The following CHD6 variants were observed in gnomAD, a reference collection of about 807,000 sequenced individuals.
CHD6 encodes chromodomain helicase DNA binding protein 6.
A neutral mutation model predicts 276.9 loss-of-function variants in CHD6; 50 were observed. The ratio of observed to expected loss-of-function variants is 0.18; its 90% CI spans 0.14 to 0.23. The LOEUF is 0.23. CHD6 is among the 10% of genes least tolerant of loss of function. The pLI is 1.00. For synonymous variants in CHD6, 1,173 were observed against 1,229.3 expected, an observed-to-expected ratio of 0.95 and a Z score of 0.96; for missense variants, 2,564 against 3,365.8, an observed-to-expected ratio of 0.76 and a Z score of 5.89.
intron 1 of CHD6, among the ~76,000 whole-genome samples, chr20:41,607,118 G>C (rs2045837888): frequency 6.6e-6 from 1 of 152,082 alleles, no homozygotes; most frequent in African/African-American, 2.4e-5. Flanking sequence ...ACTCCAGCCA[G>C]AATGAACTTA....
chr20:41,554,975 C>G (rs2045201388), intron 1 of CHD6, among the ~76,000 whole-genome samples: 1 of 151,098 alleles, frequency 6.6e-6, no homozygotes, highest in Non-Finnish European at 1.5e-5. Context: ...AGGCGCCCCT[C>G]ACCTCCCGGA....
intron 1 of CHD6, among the ~76,000 whole-genome samples, chr20:41,584,171 C>T (rs963469325): frequency 1.3e-5 from 2 of 152,002 alleles, no homozygotes; most frequent in Non-Finnish European, 2.9e-5. Flanking sequence ...CAAGCACATA[C>T]TAATCAAAAG....
chr20:41,591,401 CACACACATAT>C (rs2045658523), intron 1 of CHD6, among the ~76,000 whole-genome samples: 2 of 151,136 alleles, frequency 1.3e-5, no homozygotes, highest in Admixed American at 1.3e-4. Context: ...CACACACACA[CACACACATAT>C]ATATATACAT....
chr20:41,431,667 C>A (rs2047541577), intron 27 of CHD6, among the ~76,000 whole-genome samples: 1 of 151,762 alleles, frequency 6.6e-6, no homozygotes, highest in South Asian at 2.1e-4. Flanking sequence ...TAATTAAACC[C>A]TCTGGATAGT....
intron 1 of CHD6, among the ~76,000 whole-genome samples, chr20:41,590,193 C>T (rs1298583117): frequency 1.3e-5 from 2 of 152,204 alleles, no homozygotes; most frequent in African/African-American, 4.8e-5. Context: ...CCCTTCTTTA[C>T]ACCTTATACA....
chr20:41,580,418 T>C (rs1273535480), intron 1 of CHD6, among the ~76,000 whole-genome samples: 1 of 151,906 alleles, frequency 6.6e-6, no homozygotes, highest in Non-Finnish European at 1.5e-5. Context: ...TCCTAGCACT[T>C]AGGGAGGCTG....
At position 41,498,006 on chromosome 20, in the gene CHD6, T is replaced by C. The variant is rs2043729587; in HGVS notation, c.974+162A>G. 21 of 593,386 alleles carry C rather than the reference T, an allele frequency of 3.5e-5. No homozygotes were observed. The South Asian group carries it at 4.4e-4, about 13-fold the overall frequency. The allele number at this position is 593,386 out of a possible 1,614,324, so 36.8% of individuals were successfully genotyped here. A position where few individuals can be genotyped will look rare whatever the true frequency, so the allele number is the denominator to read the frequency against. On this transcript the variant is annotated intron_variant, in intron 7 of 36. Coordinates refer to ENST00000373233, the MANE Select transcript of CHD6 (RefSeq NM_032221.5). The stretch of plus-strand genomic sequence containing the variant: ...CTCCAGGTAATTCTGTGTGCAGCTA[T>C]AATTGAGCGTTACTGCCTAAGGTAA...
chr20:41,467,561 G>GACAAAAA (rs2042951807), intron 17 of CHD6, among the ~76,000 whole-genome samples: 1 of 39,144 alleles, frequency 2.6e-5, no homozygotes, highest in Non-Finnish European at 4.7e-5. Context: ...TTCTGACAAT[G>GACAAAAA]AAAAAAAAAA....
chr20:41,502,429 C>T (rs2043853207), intron 5 of CHD6, among the ~76,000 whole-genome samples: 1 of 152,298 alleles, frequency 6.6e-6, no homozygotes, highest in African/African-American at 2.4e-5. Context: ...ATTTCAAGTG[C>T]TCAATAGGCA....
At chr20:41,507,602 G>C (rs1489378433) in intron 5 of CHD6, among the ~76,000 whole-genome samples, 3 of 152,134 alleles carry the variant, frequency 2.0e-5, no homozygotes, top group African/African-American at 7.2e-5. Context: ...GTACGATCAT[G>C]TGTGTATAAA....
At position 41,425,297 on chromosome 20, in the gene CHD6, G is replaced by A. The variant is rs754346906; in HGVS notation, c.4227C>T (p.Asn1409=). 5 of 1,614,084 alleles carry A rather than the reference G, an allele frequency of 3.1e-6. No individual in the cohort carries two copies. In the Admixed American group the frequency reaches 8.3e-5, roughly 27 times the overall value. Residue 1409 remains asparagine (N), a synonymous_variant, in exon 29 of 37, where the codon AAC becomes AAT. Transcript: ENST00000373233. ...RRLVTVYQRC[N]RKELCRPEIL... ...TTTCAGGCCGGCACAGTTCCTTGCG[G>A]TTGCAGCGCTGGTAAACAGTGACCA...
intron 11 of CHD6, 59 bp from the exon 12 acceptor site, chr20:41,490,080 G>T: frequency 6.9e-7 from 1 of 1,445,450 alleles, no homozygotes. Flanking sequence ...TATAGAGGCT[G>T]GTTATAACTT....
chr20:41,562,858 T>C (rs2045316676), intron 1 of CHD6, among the ~76,000 whole-genome samples: 1 of 152,126 alleles, frequency 6.6e-6, no homozygotes, highest in Non-Finnish European at 1.5e-5. Context: ...AAGAGAAAGA[T>C]CTTACACACA....
chr20:41,456,116 TC>T (rs1034176051), intron 18 of CHD6, 137 bp from the exon 19 acceptor site: 5 of 761,924 alleles, frequency 6.6e-6, no homozygotes, highest in Non-Finnish European at 9.8e-6. Context: ...GCAACAAACT[TC>T]AGCTAGTGAA....
In CHD6 at chr20:41,416,659, T is replaced by C. The variant is rs916365732; in HGVS notation, c.6415A>G (p.Ser2139Gly). ...TCTGCTGCTTCCGGCTCTGAGAGGCTGGTTCGAGAACCAGCACTGCTGGTT... is the reference window on the plus strand; with the variant it reads ...TCTGCTGCTTCCGGCTCTGAGAGGCCGGTTCGAGAACCAGCACTGCTGGTT... ...VLTSSAGSRTSLSEPEAAEHS... is the reference protein window; with the variant it reads ...VLTSSAGSRTGLSEPEAAEHS... The change falls in exon 33 of 37, where the codon AGC becomes GGC. Residue 2139 changes from serine to glycine, a missense_variant. Ser to Gly is a moderately conservative substitution (Grantham distance 56). This residue lies in a region of CHD6 where 1,024 missense variants were observed against 1,047.9 expected (regional missense o/e 0.98). Transcript: ENST00000373233. 5 of 1,614,092 alleles carry C rather than the reference T, an allele frequency of 3.1e-6. No individual in the cohort carries two copies. Among genetic ancestry groups the C allele is most frequent in the Non-Finnish European group, 4.2e-6 (5 of 1,179,990 alleles).
intron 2 of CHD6, among the ~76,000 whole-genome samples, chr20:41,538,031 C>T (rs1475424985): frequency 6.6e-6 from 1 of 152,178 alleles, no homozygotes; most frequent in Non-Finnish European, 1.5e-5. Flanking sequence ...TATGTCCATA[C>T]AATGGCATAT....
intron 3 of CHD6, among the ~76,000 whole-genome samples, chr20:41,526,514 G>A (rs6129859): frequency 0.11 from 17,331 of 152,242 alleles, 1,248 homozygotes; most frequent in East Asian, 0.34. Context: ...GCACCACACA[G>A]TTATCAGCTG....
At chr20:41,415,865 G>T (rs565182186) in intron 33 of CHD6, among the ~76,000 whole-genome samples, 6 of 152,324 alleles carry the variant, frequency 3.9e-5, no homozygotes, top group Admixed American at 3.9e-4. Flanking sequence ...CAGGTTTCCA[G>T]GTGCTGCTAA....
chr20:41,424,074 T>C (rs1569062721), intron 29 of CHD6, among the ~76,000 whole-genome samples: 1 of 130,894 alleles, frequency 7.6e-6, no homozygotes. Flanking sequence ...TATCTAGCCT[T>C]ATTTTTTTTT....
Sources: gnomAD v4.1 joint callset for allele counts (sites outside exome capture counted in the v4.1 genomes callset) on GRCh38, gnomAD v4.1.1 for gene constraint, gnomAD v4.1.1 regional missense constraint, MANE v1.5 for transcripts, NCBI Gene and HGNC (gene_info 2026-07-23, HGNC 2026-07-21) for gene names.